The following MAP4K3 variants were observed in gnomAD, a reference collection of about 807,000 sequenced individuals.
MAP4K3 encodes the protein MAPK/ERK kinase kinase kinase 3.
A neutral mutation model predicts 143.5 loss-of-function variants in MAP4K3; 94 were observed. The observed-to-expected ratio is 0.65, with a 90% CI of 0.55 to 0.78. The LOEUF (loss-of-function observed/expected upper bound fraction) is 0.78. Ranked by LOEUF, MAP4K3 falls within the 30% of genes least tolerant of loss-of-function variation. The probability of loss-of-function intolerance (pLI) is 0.00; values close to 1 mark genes in which losing one functional copy is unlikely to be tolerated. For missense variants in MAP4K3, 1,077 were observed against 1,068.1 expected, an observed-to-expected ratio of 1.01 and a Z score of -0.12; for synonymous variants, 416 against 347.2, an observed-to-expected ratio of 1.20 and a Z score of -2.20.
At chr2:39,385,552 A>T (rs1260142794) in intron 1 of MAP4K3, among the ~76,000 whole-genome samples, 2 of 816 alleles carry the variant, frequency 2.5e-3, no homozygotes, top group African/African-American at 3.1e-3. Context: ...AGCGTTCTTC[A>T]TATATATATA....
At chr2:39,393,700 G>C (rs17023815) in intron 1 of MAP4K3, among the ~76,000 whole-genome samples, 2,321 of 152,058 alleles carry the variant, frequency 0.015, 58 homozygotes, top group African/African-American at 0.053. Flanking sequence ...ATTATTTGAG[G>C]GCTGGATCTG....
At position 39,265,321 on chromosome 2, in the gene MAP4K3, A is replaced by C. The variant is rs780735067; in HGVS notation, c.2033-15T>G. 4.8e-6 allele frequency: 7 copies of C among 1,452,088 alleles called. No individual in the cohort carries two copies. Among genetic ancestry groups the C allele is most frequent in the Non-Finnish European group, 6.8e-6 (7 of 1,033,444 alleles). 90.0% of individuals were successfully genotyped at this position (1,452,088 alleles called of 1,614,324 possible). On this transcript the variant is annotated splice_polypyrimidine_tract_variant and intron_variant, in intron 27 of 33. Transcript: ENST00000263881. ...AGGATTTCTTACTGTCAAAGCAAAAATATAAATGAGTTCTCTTATAAAACA... is the reference window on the plus strand; with the variant it reads ...AGGATTTCTTACTGTCAAAGCAAAACTATAAATGAGTTCTCTTATAAAACA...
At position 39,421,988 on chromosome 2, in the gene MAP4K3, AC is replaced by A. The variant is rs773619400; in HGVS notation, c.96+14903del. Among the ~76,000 whole-genome samples the A allele has an allele frequency of 7.3e-5, 11 of 151,084 alleles. No individual in the cohort carries two copies. The South Asian group carries it at 1.9e-3, about 26-fold the overall frequency. On this transcript the variant is annotated intron_variant, in intron 1 of 33. Coordinates refer to ENST00000263881, the MANE Select transcript of MAP4K3 (RefSeq NM_003618.4). ...ATTACATAATACTTAATCACAAAAT[AC>A]CCCATATTACTTAACGCTATAATTA...
intron 31 of MAP4K3, among the ~76,000 whole-genome samples, chr2:39,254,926 A>C (rs1032895498): frequency 2.0e-5 from 3 of 152,274 alleles, no homozygotes; most frequent in Admixed American, 1.3e-4. Flanking sequence ...TACAGAAAAC[A>C]GCACAAAAAT....
intron 26 of MAP4K3, among the ~76,000 whole-genome samples, chr2:39,269,042 G>A (rs1680898130): frequency 6.6e-6 from 1 of 151,956 alleles, no homozygotes; most frequent in African/African-American, 2.4e-5. Flanking sequence ...GGGATTACAG[G>A]CATGAGCCAC....
chr2:39,361,564 C>T (rs943821475), intron 2 of MAP4K3, among the ~76,000 whole-genome samples: 5 of 151,580 alleles, frequency 3.3e-5, no homozygotes, highest in African/African-American at 1.2e-4. Context: ...TTTTTAAAAT[C>T]CTTCAATAAC....
At chr2:39,297,605 G>C (rs200584914) in intron 16 of MAP4K3, among the ~76,000 whole-genome samples, 1 of 152,116 alleles carries the variant, frequency 6.6e-6, no homozygotes, top group East Asian at 1.9e-4. Flanking sequence ...GCACGGTCTG[G>C]AATAGGTAGA....
At chr2:39,251,003 A>G (rs766982652) in intron 33 of MAP4K3, among the ~76,000 whole-genome samples, 8 of 152,196 alleles carry the variant, frequency 5.3e-5, no homozygotes, top group Non-Finnish European at 1.0e-4. Context: ...TCTAAAAACG[A>G]TTTGCAGTTC....
In MAP4K3 at chr2:39,290,397, T is replaced by C. The variant is rs969391157; in HGVS notation, c.1272-63A>G. Reference sequence around the variant, plus strand: ...TTACAAATGAATCAATCCTAAAATATAATAATTTTTTCAAAGACACATAAA... The same window carrying C: ...TTACAAATGAATCAATCCTAAAATACAATAATTTTTTCAAAGACACATAAA... On this transcript the variant is annotated intron_variant, in intron 18 of 33. Coordinates refer to ENST00000263881, the MANE Select transcript of MAP4K3 (RefSeq NM_003618.4). 6.5e-6 allele frequency: 7 copies of C among 1,075,342 alleles called. No individual in the cohort carries two copies. In the East Asian group the frequency reaches 7.5e-5, roughly 12 times the overall value. The allele number at this position is 1,075,342 out of a possible 1,614,324, so 66.6% of individuals were successfully genotyped here.
At chr2:39,314,717 G>T (rs1037454223) in intron 13 of MAP4K3, among the ~76,000 whole-genome samples, 6 of 152,234 alleles carry the variant, frequency 3.9e-5, no homozygotes, top group Admixed American at 3.3e-4. Flanking sequence ...CCATGTGAAT[G>T]AATGGCTTGT....
At chr2:39,264,771 C>A (rs1416358824) in intron 28 of MAP4K3, among the ~76,000 whole-genome samples, 1 of 151,960 alleles carries the variant, frequency 6.6e-6, no homozygotes, top group Admixed American at 6.6e-5. Flanking sequence ...GTGGAAAGGC[C>A]TAGGTAAATT....
At position 39,278,442 on chromosome 2, in the gene MAP4K3, T is replaced by C; in HGVS notation, c.1759A>G (p.Asn587Asp). ...FGAEEGIYTL[N>D]LNELHETSME... ...GATGTTTCATGAAGTTCATTAAGAT[T>C]GAGGGTATAAATCCCTTCTTCGGCA... is the stretch of plus-strand genomic sequence containing the variant. Residue 587 changes from asparagine (N) to aspartate (D), a missense_variant, in exon 24 of 34, where the codon AAT (asparagine) becomes GAT (aspartate). By Grantham distance (23) the Asn-to-Asp change is conservative (BLOSUM62 1). Around this residue, in one of 2 missense-constraint regions of MAP4K3, gnomAD observed 864 missense variants for 801.2 expected, o/e 1.08. Transcript: ENST00000263881. 2 of 1,600,154 alleles carry C rather than the reference T, an allele frequency of 1.2e-6. No individual in the cohort carries two copies. Among genetic ancestry groups the C allele is most frequent in the Non-Finnish European group, 8.5e-7 (1 of 1,172,508 alleles).
In MAP4K3 at chr2:39,367,191, G is replaced by A. The variant is rs561711570; in HGVS notation, c.155-10852C>T. ...CATTTACATACATTGTTACTGAATG[G>A]CCTTTGAACTTGGGTTCCACAAAGC... is the stretch of plus-strand genomic sequence containing the variant. On this transcript the variant is annotated intron_variant, in intron 2 of 33. Coordinates refer to ENST00000263881, the MANE Select transcript of MAP4K3 (RefSeq NM_003618.4). 2.2e-4 allele frequency among the ~76,000 whole-genome samples: 34 copies of A among 152,224 alleles called. No individual in the cohort carries two copies. The South Asian group carries it at 6.0e-3, about 27-fold the overall frequency.
At chr2:39,259,064 C>G (rs1680457912) in intron 29 of MAP4K3, among the ~76,000 whole-genome samples, 1 of 148,988 alleles carries the variant, frequency 6.7e-6, no homozygotes. Context: ...GTGATCATGG[C>G]TCCCTGCAGC....
chr2:39,279,756 T>C (rs535198521), intron 23 of MAP4K3, among the ~76,000 whole-genome samples: 2 of 152,124 alleles, frequency 1.3e-5, no homozygotes, highest in African/African-American at 4.8e-5. Flanking sequence ...GAGACCAGCC[T>C]GGGGAACACA....
At chr2:39,370,492 G>A (rs968109249) in intron 2 of MAP4K3, among the ~76,000 whole-genome samples, 7 of 151,962 alleles carry the variant, frequency 4.6e-5, no homozygotes, top group African/African-American at 1.7e-4. Flanking sequence ...CTACCTCTCA[G>A]GAAAGAAAAA....
chr2:39,252,763 C>T (rs762560269), intron 32 of MAP4K3, among the ~76,000 whole-genome samples: 14 of 152,336 alleles, frequency 9.2e-5, no homozygotes, highest in Non-Finnish European at 2.1e-4. Flanking sequence ...TCTAGAAACA[C>T]TAATGACTCT....
chr2:39,418,610 T>C (rs1262678261), intron 1 of MAP4K3, among the ~76,000 whole-genome samples: 7 of 152,094 alleles, frequency 4.6e-5, no homozygotes, highest in Admixed American at 3.9e-4. Flanking sequence ...AAGTTAACAT[T>C]GCCGGTGATC....
intron 1 of MAP4K3, among the ~76,000 whole-genome samples, chr2:39,395,332 CA>C: frequency 1.4e-4 from 1 of 6,984 alleles, no homozygotes; most frequent in Non-Finnish European, 4.6e-4. Flanking sequence ...TACACATACA[CA>C]CACACACACA....
Sources: allele counts gnomAD v4.1 joint callset (sites outside exome capture counted in the v4.1 genomes callset), GRCh38; gene constraint gnomAD v4.1.1; regional missense constraint gnomAD v4.1.1; transcripts MANE v1.5; gene names NCBI Gene and HGNC (gene_info 2026-07-23, HGNC 2026-07-21).